The following ANKRD27 variants were observed in gnomAD, a reference collection of about 807,000 sequenced individuals.
The protein encoded by ANKRD27 is ankyrin repeat domain-containing protein 27.
ANKRD27 carries 112 observed loss-of-function variants against 129.7 expected under a neutral mutation model. The ratio of observed to expected loss-of-function variants is 0.86; its 90% confidence interval spans 0.74 to 1.01. ANKRD27 has a LOEUF of 1.01. Among genes scored for constraint, ANKRD27 ranks in the 50% least tolerant of loss-of-function variants. ANKRD27 has a pLI of 0.00. For synonymous variants in ANKRD27, 516 were observed against 511.2 expected, an observed-to-expected ratio of 1.01 and a Z score of -0.13; for missense variants, 1,258 against 1,300.5, an observed-to-expected ratio of 0.97 and a Z score of 0.50.
intron 1 of ANKRD27, among the ~76,000 whole-genome samples, chr19:32,667,644 C>A (rs1599779025): frequency 6.6e-6 from 1 of 152,118 alleles, no homozygotes; most frequent in Non-Finnish European, 1.5e-5. Context: ...CCAGCCTGGC[C>A]AACGTGGTGA....
chr19:32,604,009 G>A (rs1971691810), intron 25 of ANKRD27, among the ~76,000 whole-genome samples: 1 of 152,166 alleles, frequency 6.6e-6, no homozygotes, highest in South Asian at 2.1e-4. Context: ...AGCTGAGGGG[G>A]GGGCCCCTCC....
intron 18 of ANKRD27, among the ~76,000 whole-genome samples, 168 bp from the exon 19 acceptor site, chr19:32,619,721 A>G (rs1413162588): frequency 6.6e-6 from 1 of 152,074 alleles, no homozygotes; most frequent in African/African-American, 2.4e-5. Context: ...AAAAACCAAG[A>G]CCCAGAGCAG....
intron 18 of ANKRD27, among the ~76,000 whole-genome samples, chr19:32,621,143 C>T (rs1049910141): frequency 1.4e-5 from 2 of 139,664 alleles, no homozygotes; most frequent in African/African-American, 5.6e-5. Context: ...GAAAGAACAA[C>T]CTGGAAGAGC....
chr19:32,623,447 T>A (rs1157084968), intron 17 of ANKRD27, among the ~76,000 whole-genome samples: 1 of 152,118 alleles, frequency 6.6e-6, no homozygotes, highest in East Asian at 1.9e-4. Flanking sequence ...GGGACTGAGT[T>A]CCTAATGAGC....
At chr19:32,669,482 G>T (rs1568423010) in intron 1 of ANKRD27, among the ~76,000 whole-genome samples, 1 of 152,178 alleles carries the variant, frequency 6.6e-6, no homozygotes, top group African/African-American at 2.4e-5. Flanking sequence ...GACATAGTTG[G>T]TTCTATGTGG....
intron 9 of ANKRD27, among the ~76,000 whole-genome samples, chr19:32,642,477 C>T (rs1240268419): frequency 2.0e-5 from 3 of 152,152 alleles, no homozygotes; most frequent in Non-Finnish European, 2.9e-5. Flanking sequence ...CAGTGGCTCA[C>T]GCCTGTAATC....
chr19:32,626,370 C>G (rs189441232), intron 16 of ANKRD27, among the ~76,000 whole-genome samples: 2 of 152,220 alleles, frequency 1.3e-5, no homozygotes, highest in East Asian at 1.9e-4. Flanking sequence ...GATAGGGTCT[C>G]CCTAGGTTGC....
At chr19:32,670,196 G>T (rs545368801) in intron 1 of ANKRD27, among the ~76,000 whole-genome samples, 80 of 152,276 alleles carry the variant, frequency 5.3e-4, no homozygotes, top group African/African-American at 1.7e-3. Context: ...AAGCACTGCT[G>T]TGCGGACAGG....
intron 22 of ANKRD27, among the ~76,000 whole-genome samples, 174 bp downstream of exon 22, chr19:32,615,484 T>G (rs614370): frequency 0.62 from 93,979 of 151,456 alleles, 29,694 homozygotes; most frequent in Non-Finnish European, 0.69. Context: ...GTCAGGACAC[T>G]GAGGTGAGAG....
chr19:32,599,278 C>T (rs1971614995), intron 28 of ANKRD27, among the ~76,000 whole-genome samples: 1 of 151,948 alleles, frequency 6.6e-6, no homozygotes, highest in African/African-American at 2.4e-5. Context: ...AAGACTCTGT[C>T]TCAAATAAAT....
chr19:32,611,474 C>T (rs1409761036), intron 22 of ANKRD27, among the ~76,000 whole-genome samples: 1 of 152,198 alleles, frequency 6.6e-6, no homozygotes, highest in African/African-American at 2.4e-5. Flanking sequence ...AAACTTTAGT[C>T]ATTTTCAATA....
intron 11 of ANKRD27, 127 bp downstream of exon 11, chr19:32,640,180 G>A (rs1967169782): frequency 3.3e-6 from 2 of 614,312 alleles, no homozygotes; most frequent in African/African-American, 3.8e-5. Context: ...AGCCAGGATG[G>A]TCTCGATCTC....
At chr19:32,639,333 C>G (rs906655514) in intron 12 of ANKRD27, 23 bp downstream of exon 12, 1 of 1,613,774 alleles carries the variant, frequency 6.2e-7, no homozygotes, top group Non-Finnish European at 8.5e-7. Flanking sequence ...CAAAGGAAGG[C>G]CAGGGCAGGG....
intron 12 of ANKRD27, among the ~76,000 whole-genome samples, chr19:32,634,018 G>A (rs1005645041): frequency 4.6e-5 from 7 of 152,230 alleles, no homozygotes; most frequent in African/African-American, 9.6e-5. Flanking sequence ...GTGACAGAGC[G>A]AGATCCTGTC....
At position 32,646,634 on chromosome 19, in the gene ANKRD27, T is replaced by C. The variant is rs772431757; in HGVS notation, c.214-19A>G. 1.9e-6 allele frequency: 3 copies of C among 1,609,386 alleles called. No individual in the cohort carries two copies. The highest frequency in any genetic ancestry group is 2.5e-6 in the Non-Finnish European group (3 of 1,177,790). ...AGACATCCTGGAAACAAGAAAGCCA[T>C]CACTGCACCAGCAGCCGGGGCAACC... is the stretch of plus-strand genomic sequence containing the variant. On this transcript the variant is annotated intron_variant, in intron 3 of 28. Transcript: ENST00000306065.
At chr19:32,636,731 A>G (rs534677685) in intron 12 of ANKRD27, among the ~76,000 whole-genome samples, 1 of 144,632 alleles carries the variant, frequency 6.9e-6, no homozygotes, top group Non-Finnish European at 1.5e-5. Flanking sequence ...CTCTATATAT[A>G]TATATATATT....
intron 12 of ANKRD27, among the ~76,000 whole-genome samples, chr19:32,634,212 C>A (rs935718076): frequency 3.3e-5 from 5 of 152,146 alleles, no homozygotes; most frequent in Admixed American, 2.0e-4. Flanking sequence ...CTAGGAAACA[C>A]CATCAATACA....
intron 1 of ANKRD27, among the ~76,000 whole-genome samples, chr19:32,674,833 C>T (rs556812895): frequency 1.6e-3 from 241 of 152,176 alleles, no homozygotes; most frequent in Middle Eastern, 0.014. Context: ...CGACCGCTCC[C>T]CTCCTCCAGA....
chr19:32,599,813 C>G (rs1363581176), intron 27 of ANKRD27, 37 bp from the exon 28 acceptor site: 2 of 1,605,318 alleles, frequency 1.2e-6, no homozygotes, highest in African/African-American at 2.7e-5. Flanking sequence ...ATATTTGGGA[C>G]AGTGGCATGA....
Sources: gnomAD v4.1 joint callset for allele counts (sites outside exome capture counted in the v4.1 genomes callset) on GRCh38, gnomAD v4.1.1 for gene constraint, MANE v1.5 for transcripts, NCBI Gene and HGNC (gene_info 2026-07-23, HGNC 2026-07-21) for gene names.